SLC8A1: variants seen among roughly 807,000 people sequenced by gnomAD.
The protein encoded by SLC8A1 is sodium/calcium exchanger 1.
Under a neutral mutation model 68.3 loss-of-function variants are expected in SLC8A1, and 18 were observed. That is an observed-to-expected ratio of 0.26 (90% CI 0.18 to 0.39). The LOEUF (loss-of-function observed/expected upper bound fraction) is 0.39. Among genes scored for constraint, SLC8A1 ranks in the 10% least tolerant of loss-of-function variants. The probability of loss-of-function intolerance (pLI) is 1.00; values close to 1 mark genes in which losing one functional copy is unlikely to be tolerated. For missense variants in SLC8A1, 985 were observed against 1,156.7 expected, an observed-to-expected ratio of 0.85 and a Z score of 2.15; for synonymous variants, 475 against 415.5, an observed-to-expected ratio of 1.14 and a Z score of -1.74.
intron 2 of SLC8A1, among the ~76,000 whole-genome samples, chr2:40,398,580 AT>A (rs1208048276): frequency 6.9e-6 from 1 of 144,400 alleles, no homozygotes; most frequent in Non-Finnish European, 1.6e-5. Context: ...CTACGTACAT[AT>A]TTTATTTTTA....
chr2:40,411,576 C>T lies in SLC8A1; in HGVS notation c.1808+16897G>A, dbSNP rs550815665. Among the ~76,000 whole-genome samples the T allele has an allele frequency of 1.5e-4, 22 of 151,722 alleles. No homozygotes were observed. In the South Asian group the frequency reaches 3.1e-3, roughly 21 times the overall value. On this transcript the variant is annotated intron_variant, in intron 2 of 7. Coordinates refer to ENST00000406785, the Ensembl canonical transcript of SLC8A1. ...TACTATGATATTATTTATGTATAAACGTTGTCTTTAAAAAAACCTGAAAAA... is the reference window on the plus strand; with the variant it reads ...TACTATGATATTATTTATGTATAAATGTTGTCTTTAAAAAAACCTGAAAAA...
intron 2 of SLC8A1, among the ~76,000 whole-genome samples, chr2:40,319,246 G>C (rs13031392): frequency 6.6e-6 from 1 of 152,024 alleles, no homozygotes; most frequent in Non-Finnish European, 1.5e-5. Flanking sequence ...ACAAGTGTTC[G>C]TGAAGCTTCC....
intron 2 of SLC8A1, among the ~76,000 whole-genome samples, chr2:40,357,709 C>G (rs1388775384): frequency 6.6e-6 from 1 of 151,914 alleles, no homozygotes; most frequent in African/African-American, 2.4e-5. Flanking sequence ...AAGGAACCTC[C>G]TCTCATTAAT....
exon 2 of SLC8A1, chr2:40,428,623 A>G (rs764189317): frequency 1.1e-5 from 18 of 1,613,716 alleles, no homozygotes; most frequent in Middle Eastern, 3.3e-4. Context: ...CATGATGCCA[A>G]TGCTCTCACT....
At position 40,424,652 on chromosome 2, in the gene SLC8A1, A is replaced by G. The variant is rs1215905083; in HGVS notation, c.1808+3821T>C. Among the ~76,000 whole-genome samples the G allele has an allele frequency of 2.0e-5, 3 of 151,988 alleles. No individual in the cohort carries two copies. In the East Asian group the frequency reaches 5.8e-4, roughly 29 times the overall value. The stretch of plus-strand genomic sequence containing the variant: ...AGTTTGGGTAGGCCCGTTGTTTAAT[A>G]TGTTATACTATGACTAGGAACCTCT... On this transcript the variant is annotated intron_variant, in intron 2 of 7. Coordinates refer to ENST00000406785, the Ensembl canonical transcript of SLC8A1.
At chr2:40,394,505 C>T (rs1686305906) in intron 2 of SLC8A1, among the ~76,000 whole-genome samples, 1 of 151,804 alleles carries the variant, frequency 6.6e-6, no homozygotes, top group African/African-American at 2.4e-5. Context: ...CGGTAGCAAG[C>T]AAATGGCAGA....
intron 2 of SLC8A1, among the ~76,000 whole-genome samples, chr2:40,204,731 A>G (rs1255158469): frequency 6.6e-6 from 1 of 152,058 alleles, no homozygotes; most frequent in Non-Finnish European, 1.5e-5. Context: ...AAATTTAATA[A>G]TAACTTTTAT....
chr2:40,383,468 G>A (rs1347679736), intron 2 of SLC8A1, among the ~76,000 whole-genome samples: 1 of 149,572 alleles, frequency 6.7e-6, no homozygotes, highest in Non-Finnish European at 1.5e-5. Context: ...CATCACTCAA[G>A]TTTAGTAATA....
chr2:40,440,359 G>A (rs928831472), intron 1 of SLC8A1, among the ~76,000 whole-genome samples: 5 of 152,068 alleles, frequency 3.3e-5, no homozygotes, highest in African/African-American at 1.2e-4. Flanking sequence ...AAAAGTCACT[G>A]GAGGAAGAAA....
intron 2 of SLC8A1, among the ~76,000 whole-genome samples, chr2:40,228,462 T>A (rs1024845252): frequency 3.5e-4 from 53 of 152,188 alleles, no homozygotes; most frequent in African/African-American, 1.3e-3. Context: ...GCTGCAGCTG[T>A]CTACGAAACA....
intron 4 of SLC8A1, 138 bp from the exon 8 acceptor site, chr2:40,165,122 G>C: frequency 1.0e-6 from 1 of 992,246 alleles, no homozygotes; most frequent in Non-Finnish European, 1.5e-6. Context: ...CACGATGCTG[G>C]AGGGAAGAGC....
chr2:40,127,817 T>TA (rs2038465696), intron 7 of SLC8A1, among the ~76,000 whole-genome samples: 1 of 152,202 alleles, frequency 6.6e-6, no homozygotes, highest in Non-Finnish European at 1.5e-5. Flanking sequence ...TTCTTGAATG[T>TA]AACTAATACA....
intron 2 of SLC8A1, among the ~76,000 whole-genome samples, chr2:40,422,630 T>C (rs753284762): frequency 6.6e-5 from 10 of 152,124 alleles, no homozygotes; most frequent in Non-Finnish European, 1.0e-4. Context: ...GATGTGACAA[T>C]AGCTAATTGT....
chr2:40,446,725 C>T (rs1219707687), intron 1 of SLC8A1: 1 of 152,140 alleles, frequency 6.6e-6, no homozygotes, highest in Non-Finnish European at 1.5e-5. Flanking sequence ...GCCCTTGGCC[C>T]AAGTTATTTC....
intron 7 of SLC8A1, chr2:40,116,876 T>C (rs533577027): frequency 1.3e-5 from 2 of 152,312 alleles, no homozygotes; most frequent in Admixed American, 6.5e-5. Context: ...AACTTCTTGA[T>C]GGGTAGAACA....
intron 2 of SLC8A1, among the ~76,000 whole-genome samples, chr2:40,395,008 C>G (rs1048115392): frequency 6.6e-6 from 1 of 152,138 alleles, no homozygotes; most frequent in African/African-American, 2.4e-5. Flanking sequence ...TGCACAAATG[C>G]TCATGTCTGT....
chr2:40,299,361 C>G (rs968274230), intron 2 of SLC8A1, among the ~76,000 whole-genome samples: 4 of 152,130 alleles, frequency 2.6e-5, no homozygotes, highest in Non-Finnish European at 4.4e-5. Context: ...GGTTTAGTCA[C>G]AAGATTGCAC....
chr2:40,297,432 C>A (rs922459418), intron 2 of SLC8A1, among the ~76,000 whole-genome samples: 11 of 152,114 alleles, frequency 7.2e-5, no homozygotes, highest in African/African-American at 2.7e-4. Context: ...GGCATAAAAT[C>A]CTACCTAGAT....
At chr2:40,175,122 A>G (rs1468045518) in intron 3 of SLC8A1, 139 bp downstream of exon 4, 1 of 866,318 alleles carries the variant, frequency 1.2e-6, no homozygotes, top group Admixed American at 2.6e-5. Flanking sequence ...GACCTTGACA[A>G]AATGAGGTCA....
Sources: gnomAD v4.1 joint callset for allele counts (sites outside exome capture counted in the v4.1 genomes callset) on GRCh38, gnomAD v4.1.1 for gene constraint, MANE v1.5 for transcripts, NCBI Gene and HGNC (gene_info 2026-07-23, HGNC 2026-07-21) for gene names.